PICALM: variants seen among roughly 807,000 people sequenced by gnomAD.
PICALM encodes phosphatidylinositol-binding clathrin assembly protein.
In PICALM, 40 loss-of-function variants were observed where a neutral mutation model predicts 80.5. That is an observed-to-expected ratio of 0.50 (90% CI 0.39 to 0.65). PICALM has a LOEUF of 0.65. Among genes scored for constraint, PICALM ranks in the 30% least tolerant of loss-of-function variants. The pLI is 0.00. For missense variants in PICALM, 676 were observed against 778.9 expected, an observed-to-expected ratio of 0.87 and a Z score of 1.57; for synonymous variants, 288 against 260.3, an observed-to-expected ratio of 1.11 and a Z score of -1.02.
intron 10 of PICALM, 38 bp from the exon 11 acceptor site, chr11:86,000,817 C>G: frequency 6.3e-7 from 1 of 1,593,732 alleles, no homozygotes. Context: ...ATTCCAGAAA[C>G]CAGATTTCTT....
chr11:85,964,260 G>T (rs2093798645), intron 19 of PICALM, among the ~76,000 whole-genome samples: 1 of 152,102 alleles, frequency 6.6e-6, no homozygotes, highest in Non-Finnish European at 1.5e-5. Context: ...AACCAATTTT[G>T]CCACATCTTT....
intron 9 of PICALM, among the ~76,000 whole-genome samples, chr11:86,002,269 A>C (rs2095166131): frequency 6.6e-6 from 1 of 152,244 alleles, no homozygotes. Context: ...CTAAAATCCA[A>C]TAACGGCATT....
At chr11:85,975,996 C>T (rs1282987725) in intron 18 of PICALM, among the ~76,000 whole-genome samples, 1 of 152,174 alleles carries the variant, frequency 6.6e-6, no homozygotes, top group Admixed American at 6.5e-5. Context: ...AAAGAAGTAA[C>T]ATAGCAGGCA....
Position 85,990,394 on chromosome 11 carries a change from A to G in PICALM, c.1264T>C (p.Phe422Leu), listed in dbSNP as rs746286651. ...TCAACAGCATCTACAGTAGCAGAGA[A>G]AGGATCTGTGCAGTCCAAATGTATT... ...SQVASTWGDP[F>L]SATVDAVDDA... is the part of the protein sequence containing the mutation. Residue 422 changes from phenylalanine to leucine, a missense_variant, in exon 13 of 20, where the codon TTC (phenylalanine) becomes CTC (leucine). Phe to Leu is a conservative substitution (Grantham distance 22). Coordinates refer to ENST00000393346, the MANE Select transcript of PICALM (RefSeq NM_007166.4). 6.2e-7 allele frequency: 1 copy of G among 1,602,498 alleles called. No homozygotes were observed. The highest frequency in any genetic ancestry group is 2.2e-5 in the East Asian group (1 of 44,716).
rs907083730 is a variant in PICALM at position 85,958,960 on chromosome 11, G to C, written c.*86C>G. 2 of 929,990 alleles carry C rather than the reference G, an allele frequency of 2.2e-6. No individual in the cohort carries two copies. Among genetic ancestry groups the C allele is most frequent in the Admixed American group, 2.1e-5 (1 of 48,166 alleles). The allele number at this position is 929,990 out of a possible 1,614,324, so 57.6% of individuals were successfully genotyped here. ...AGAAGAGAGTTTAAGAGATTTAAGA[G>C]ACAGCAGTTTGGATTTTGCTGGAAG... On this transcript the variant is annotated 3_prime_UTR_variant, in exon 20 of 20. Coordinates refer to ENST00000393346, the MANE Select transcript of PICALM (RefSeq NM_007166.4).
chr11:86,029,415 C>A (rs538570579), intron 2 of PICALM, among the ~76,000 whole-genome samples: 2 of 152,278 alleles, frequency 1.3e-5, no homozygotes, highest in African/African-American at 4.8e-5. Context: ...TTGTACAAAC[C>A]AGCATAAAAA....
chr11:85,973,891 CT>C (rs1306294216), intron 19 of PICALM, among the ~76,000 whole-genome samples: 24 of 63,000 alleles, frequency 3.8e-4, no homozygotes, highest in Non-Finnish European at 6.1e-4. Flanking sequence ...ATATAATTAA[CT>C]ACTTCTAGAT....
intron 8 of PICALM, chr11:86,003,685 G>A: frequency 3.0e-6 from 1 of 332,500 alleles, no homozygotes; most frequent in Non-Finnish European, 5.4e-6. Flanking sequence ...TGAAAACTAT[G>A]TAAACATGAA....
chr11:86,000,269 T>A (rs1050190897), intron 11 of PICALM, among the ~76,000 whole-genome samples: 1 of 152,208 alleles, frequency 6.6e-6, no homozygotes, highest in Non-Finnish European at 1.5e-5. Flanking sequence ...ACGTTTAATA[T>A]CTAATGAAAT....
chr11:85,964,701 G>A (rs998441287), intron 19 of PICALM, among the ~76,000 whole-genome samples: 11 of 152,098 alleles, frequency 7.2e-5, no homozygotes, highest in Non-Finnish European at 1.3e-4. Context: ...TTTCTTATAA[G>A]GGGTCTCATT....
intron 11 of PICALM, among the ~76,000 whole-genome samples, 158 bp from the exon 12 acceptor site, chr11:85,997,087 C>T (rs2094991049): frequency 6.6e-6 from 1 of 152,114 alleles, no homozygotes; most frequent in Non-Finnish European, 1.5e-5. Context: ...CATATGACAG[C>T]ATATTTCTAA....
At chr11:86,043,825 ATCTCT>A (rs1458470882) in intron 1 of PICALM, among the ~76,000 whole-genome samples, 1 of 152,302 alleles carries the variant, frequency 6.6e-6, no homozygotes, top group East Asian at 1.9e-4. Flanking sequence ...AAGATTTTTC[ATCTCT>A]TCTCTTAAAA....
intron 19 of PICALM, among the ~76,000 whole-genome samples, chr11:85,968,529 G>A (rs1253745954): frequency 1.3e-5 from 2 of 152,130 alleles, no homozygotes; most frequent in African/African-American, 4.8e-5. Flanking sequence ...TTTAAAAAGT[G>A]TTATTTCATA....
Position 86,069,048 on chromosome 11 carries a change from G to A in PICALM, c.-268C>T, listed in dbSNP as rs1274173779. 6.8e-6 allele frequency: 3 copies of A among 443,178 alleles called. No individual in the cohort carries two copies. Among genetic ancestry groups the A allele is most frequent in the African/African-American group, 4.1e-5 (2 of 49,080 alleles). 27.5% of individuals were successfully genotyped at this position (443,178 alleles called of 1,614,324 possible). On this transcript the variant is annotated 5_prime_UTR_variant, in exon 1 of 20. Coordinates refer to ENST00000393346, the MANE Select transcript of PICALM (RefSeq NM_007166.4). ...CCCTTCCCGGGTCAGCTGGAGCCGG[G>A]CAGGGTAAGAGGAACAGGCAGCTGC...
At chr11:86,043,350 G>A (rs10128700) in intron 1 of PICALM, among the ~76,000 whole-genome samples, 28,787 of 151,598 alleles carry the variant, frequency 0.19, 3,036 homozygotes, top group Middle Eastern at 0.24. Context: ...TTTTCACCCC[G>A]GGAAACTCAT....
chr11:86,006,181 G>A (rs1326246135), intron 8 of PICALM, among the ~76,000 whole-genome samples: 2 of 152,194 alleles, frequency 1.3e-5, no homozygotes, highest in South Asian at 2.1e-4. Context: ...CCAGAATCAT[G>A]TGCTTGCTCT....
chr11:86,020,826 T>C (rs1210017612), intron 4 of PICALM, among the ~76,000 whole-genome samples: 1 of 152,068 alleles, frequency 6.6e-6, no homozygotes, highest in African/African-American at 2.4e-5. Flanking sequence ...GATTAAACAA[T>C]GATTTCTTAG....
chr11:85,981,018 A>C, intron 17 of PICALM, 111 bp downstream of exon 17: 1 of 631,864 alleles, frequency 1.6e-6, no homozygotes, highest in Non-Finnish European at 2.8e-6. Flanking sequence ...TTATACTTCT[A>C]AACTCAGTAA....
chr11:85,966,758 A>G (rs1565210183), intron 19 of PICALM, among the ~76,000 whole-genome samples: 1 of 152,194 alleles, frequency 6.6e-6, no homozygotes, highest in Non-Finnish European at 1.5e-5. Context: ...TGTCCTTATA[A>G]GGAGAGGCAC....
Sources: allele counts gnomAD v4.1 joint callset (sites outside exome capture counted in the v4.1 genomes callset), GRCh38; gene constraint gnomAD v4.1.1; transcripts MANE v1.5; gene names NCBI Gene and HGNC (gene_info 2026-07-23, HGNC 2026-07-21).